Variants in LYPD1 observed in about 807,000 individuals in gnomAD.
The protein encoded by LYPD1 is ly6/PLAUR domain-containing protein 1.
A neutral mutation model predicts 14.2 loss-of-function variants in LYPD1; 14 were observed. That is an observed-to-expected ratio of 0.99 (90% CI 0.65 to 1.54). The LOEUF is 1.54. LYPD1 is among the 40% of genes most tolerant of loss of function. The probability of loss-of-function intolerance (pLI) is 0.00; values close to 1 mark genes in which losing one functional copy is unlikely to be tolerated. For synonymous variants in LYPD1, 85 were observed against 70.6 expected, an observed-to-expected ratio of 1.20 and a Z score of -1.02; for missense variants, 165 against 175.7, an observed-to-expected ratio of 0.94 and a Z score of 0.34.
chr2:132,656,318 T>C (rs1414049270), intron 2 of LYPD1, among the ~76,000 whole-genome samples: 5 of 152,224 alleles, frequency 3.3e-5, no homozygotes, highest in Non-Finnish European at 1.5e-5. Context: ...TGAATGCCTG[T>C]TTGGGAGTGA....
intron 2 of LYPD1, among the ~76,000 whole-genome samples, chr2:132,655,938 AAAG>A (rs764902247): frequency 2.6e-5 from 4 of 152,178 alleles, no homozygotes; most frequent in African/African-American, 4.8e-5. Flanking sequence ...ATTGAGACCA[AAAG>A]AAGATCTGTC....
rs199834628 is a variant in LYPD1 at position 132,668,572 on chromosome 2, C to T, written c.53-35G>A. 1.5e-4 allele frequency: 237 copies of T among 1,602,930 alleles called. No individual in the cohort carries two copies. In the East Asian group the frequency reaches 5.0e-3, roughly 34 times the overall value. On this transcript the variant is annotated intron_variant, in intron 1 of 2. Transcript: ENST00000397463. ...AGACGCAGTCGGGTTCAGATCCGGC[C>T]CCCACAGAGCCCACCCCGGAAATCA...
chr2:132,660,091 T>G (rs1573744699), intron 2 of LYPD1, among the ~76,000 whole-genome samples: 2 of 152,370 alleles, frequency 1.3e-5, no homozygotes, highest in Middle Eastern at 6.8e-3. Flanking sequence ...CCTCTAGCAC[T>G]GTCTCCAGTC....
chr2:132,669,719 TCC>T lies in LYPD1; in HGVS notation c.52+160_52+161del. Reference sequence around the variant, plus strand: ...CCTGCAGCGCGGGACTTGGACACTTTCCCAGCCTCGCGCCCCGGGGCACCAGT... The same window carrying T: ...CCTGCAGCGCGGGACTTGGACACTTTCAGCCTCGCGCCCCGGGGCACCAGT... On this transcript the variant is annotated intron_variant, in intron 1 of 2. Transcript: ENST00000397463. The surrounding 1 kb of genome is among the most constrained non-coding windows in gnomAD (Gnocchi z 4.3). 1 of 1,404,540 alleles carries T rather than the reference TCC, an allele frequency of 7.1e-7. No homozygotes were observed. Among genetic ancestry groups the T allele is most frequent in the Non-Finnish European group, 9.3e-7 (1 of 1,071,376 alleles). 87.0% of individuals were successfully genotyped at this position (1,404,540 alleles called of 1,614,324 possible).
intron 2 of LYPD1, among the ~76,000 whole-genome samples, chr2:132,646,902 A>G (rs1325938646): frequency 1.3e-5 from 2 of 152,190 alleles, no homozygotes; most frequent in Non-Finnish European, 2.9e-5. Context: ...ACACATGGCC[A>G]TCTGCCAAGC....
intron 2 of LYPD1, among the ~76,000 whole-genome samples, chr2:132,662,630 C>T (rs1683019766): frequency 6.6e-6 from 1 of 152,080 alleles, no homozygotes; most frequent in Admixed American, 6.6e-5. Flanking sequence ...GGTACACTGT[C>T]TCTCTCAAAG....
At chr2:132,663,281 G>A (rs1371631576) in intron 2 of LYPD1, among the ~76,000 whole-genome samples, 3 of 151,876 alleles carry the variant, frequency 2.0e-5, no homozygotes, top group South Asian at 2.1e-4. Flanking sequence ...TTTTTGTTTC[G>A]TTTTGTTTTT....
At chr2:132,648,057 AG>A (rs1463584183) in intron 2 of LYPD1, among the ~76,000 whole-genome samples, 5 of 152,206 alleles carry the variant, frequency 3.3e-5, no homozygotes, top group Admixed American at 1.3e-4. Flanking sequence ...CGAGGTACAG[AG>A]GATGCCTGTA....
chr2:132,644,666 G>T lies in LYPD1; in HGVS notation c.*1379C>A, dbSNP rs974299542. The stretch of plus-strand genomic sequence containing the variant: ...AAAAATATCACTAGGTCTTCTTTGT[G>T]CAGACATCCTTTAAAATACAAACAC... On this transcript the variant is annotated 3_prime_UTR_variant, in exon 3 of 3. Coordinates refer to ENST00000397463, the MANE Select transcript of LYPD1 (RefSeq NM_144586.7). Among the ~76,000 whole-genome samples the T allele has an allele frequency of 1.4e-5, 2 of 139,934 alleles. No individual in the cohort carries two copies. The highest frequency in any genetic ancestry group is 3.2e-5 in the Non-Finnish European group (2 of 63,328). 91.8% of individuals were successfully genotyped at this position (139,934 alleles called of 152,430 possible).
rs150135352 is a variant in LYPD1, at chr2:132,645,553, G to A, written c.*492C>T. The A allele has an allele frequency of 5.0e-6, 8 of 1,613,958 alleles. No individual in the cohort carries two copies. Among genetic ancestry groups the A allele is most frequent in the African/African-American group, 1.3e-5 (1 of 74,930 alleles). Reference sequence around the variant, plus strand: ...CGAGTCACTAGAGCCCAACTCAGGCGCGAAACCAGCCAATTCTGCTGCAGA... The same window carrying A: ...CGAGTCACTAGAGCCCAACTCAGGCACGAAACCAGCCAATTCTGCTGCAGA... On this transcript the variant is annotated 3_prime_UTR_variant, in exon 3 of 3. Coordinates refer to ENST00000397463, the MANE Select transcript of LYPD1 (RefSeq NM_144586.7).
At chr2:132,650,707 C>G (rs1416007155) in intron 2 of LYPD1, among the ~76,000 whole-genome samples, 4 of 131,188 alleles carry the variant, frequency 3.0e-5, no homozygotes, top group South Asian at 5.4e-4. Context: ...CCTTCCTCCT[C>G]CTTCCTTTAA....
chr2:132,662,226 C>G (rs1682990644), intron 2 of LYPD1, among the ~76,000 whole-genome samples: 1 of 152,182 alleles, frequency 6.6e-6, no homozygotes, highest in Non-Finnish European at 1.5e-5. Flanking sequence ...TGGGGCAACT[C>G]CTGGTGAGCA....
At position 132,645,362 on chromosome 2, in the gene LYPD1, G is replaced by A. The variant is rs1477306026; in HGVS notation, c.*683C>T. Reference sequence around the variant, plus strand: ...CTGCAGCACGCCAACCACGAGAAGCGCCTGCGCGTACATGCGCACTCCACC... The same window carrying A: ...CTGCAGCACGCCAACCACGAGAAGCACCTGCGCGTACATGCGCACTCCACC... On this transcript the variant is annotated 3_prime_UTR_variant, in exon 3 of 3. Coordinates refer to ENST00000397463, the MANE Select transcript of LYPD1 (RefSeq NM_144586.7). 3.1e-6 allele frequency: 5 copies of A among 1,613,956 alleles called. No homozygotes were observed. Among genetic ancestry groups the A allele is most frequent in the Admixed American group, 1.7e-5 (1 of 60,008 alleles).
In LYPD1 at chr2:132,669,350, T is replaced by C. The variant is rs372037582; in HGVS notation, c.52+531A>G. ...AGAGAGGACGCGAGACCTTTGCGCC[T>C]CTGGACGCTTCGGCCTGGCTGTTCT... On this transcript the variant is annotated intron_variant, in intron 1 of 2. Transcript: ENST00000397463. The surrounding 1 kb of genome is among the most constrained non-coding windows in gnomAD (Gnocchi z 4.3). Among the ~76,000 whole-genome samples, 51 of 151,640 alleles carry C rather than the reference T, an allele frequency of 3.4e-4. No individual in the cohort carries two copies. In the East Asian group the frequency reaches 8.1e-3, roughly 24 times the overall value.
intron 2 of LYPD1, among the ~76,000 whole-genome samples, chr2:132,667,773 G>A (rs57149866): frequency 0.028 from 4,329 of 152,208 alleles, 206 homozygotes; most frequent in African/African-American, 0.098. Context: ...TCAACTAGAG[G>A]GAGTGAGGGC....
At chr2:132,647,811 C>T (rs1342567784) in intron 2 of LYPD1, among the ~76,000 whole-genome samples, 1 of 152,146 alleles carries the variant, frequency 6.6e-6, no homozygotes, top group Admixed American at 6.5e-5. Flanking sequence ...GGTATGTGGG[C>T]AGGTGTGGTT....
upstream of LYPD1, chr2:132,671,336 T>G (rs1186256874): frequency 6.6e-6 from 1 of 152,250 alleles, no homozygotes; most frequent in African/African-American, 2.4e-5. Flanking sequence ...TTAGGGAGCA[T>G]CCATTTCCGT....
At chr2:132,651,662 C>T (rs1001404537) in intron 2 of LYPD1, among the ~76,000 whole-genome samples, 4 of 152,304 alleles carry the variant, frequency 2.6e-5, no homozygotes, top group South Asian at 2.1e-4. Context: ...AGTTAAAGTA[C>T]AGAGCTCTAT....
intron 2 of LYPD1, among the ~76,000 whole-genome samples, chr2:132,667,513 G>T (rs1293623701): frequency 6.6e-6 from 1 of 152,180 alleles, no homozygotes; most frequent in Non-Finnish European, 1.5e-5. Context: ...GCAGTTCACA[G>T]AACTAAAGGA....
Sources: allele counts gnomAD v4.1 joint callset (sites outside exome capture counted in the v4.1 genomes callset), GRCh38; gene constraint gnomAD v4.1.1; non-coding constraint Gnocchi (gnomAD v3.1); transcripts MANE v1.5; gene names NCBI Gene and HGNC (gene_info 2026-07-23, HGNC 2026-07-21).